Variants in RBFOX2 observed in about 807,000 individuals in gnomAD.
The protein encoded by RBFOX2 is RNA binding protein fox-1 homolog 2.
In RBFOX2, 10 loss-of-function variants were observed where a neutral mutation model predicts 49.1. The observed-to-expected ratio is 0.20, with a 90% confidence interval of 0.13 to 0.35. The LOEUF is 0.35. Ranked by LOEUF, RBFOX2 falls within the 10% of genes least tolerant of loss-of-function variation. The pLI is 1.00. For synonymous variants in RBFOX2, 183 were observed against 187.4 expected, an observed-to-expected ratio of 0.98 and a Z score of 0.19; for missense variants, 323 against 486.9, an observed-to-expected ratio of 0.66 and a Z score of 3.17.
intron 4 of RBFOX2, among the ~76,000 whole-genome samples, chr22:35,769,744 C>A (rs949542034): frequency 1.3e-5 from 2 of 152,092 alleles, no homozygotes; most frequent in Admixed American, 1.3e-4. Context: ...CTATATAAAA[C>A]ATGTTCTTAA....
intron 1 of RBFOX2, among the ~76,000 whole-genome samples, chr22:35,971,934 A>C (rs1257584927): frequency 6.6e-6 from 1 of 150,980 alleles, no homozygotes; most frequent in Non-Finnish European, 1.5e-5. Context: ...AAAAAAAAAA[A>C]AAAACACTCT....
chr22:35,772,931 C>G (rs1427659401), intron 4 of RBFOX2, among the ~76,000 whole-genome samples: 1 of 150,288 alleles, frequency 6.7e-6, no homozygotes, highest in Non-Finnish European at 1.5e-5. Context: ...GAAAATTTAC[C>G]ATGTAACTTT....
intron 1 of RBFOX2, among the ~76,000 whole-genome samples, chr22:35,910,690 T>C (rs191443399): frequency 1.4e-3 from 213 of 152,340 alleles, no homozygotes; most frequent in Non-Finnish European, 2.1e-3. Context: ...TCATTTGTAA[T>C]GCCAACTTAT....
chr22:35,794,549 T>C (rs892913799), intron 2 of RBFOX2, among the ~76,000 whole-genome samples: 3 of 151,600 alleles, frequency 2.0e-5, no homozygotes, highest in Non-Finnish European at 4.4e-5. Flanking sequence ...TCCCAGCTAC[T>C]CAGGAGGCTG....
intron 1 of RBFOX2, chr22:35,897,968 C>A (rs947706004): frequency 2.6e-6 from 2 of 773,016 alleles, no homozygotes; most frequent in East Asian, 5.0e-5. Flanking sequence ...GGAATCTTCA[C>A]AAAAACATCC....
chr22:35,762,503 CTTT>C lies in RBFOX2; in HGVS notation c.608-1038_608-1036del, dbSNP rs769912529. Among the ~76,000 whole-genome samples, 7 of 126,864 alleles carry C rather than the reference CTTT, an allele frequency of 5.5e-5. No homozygotes were observed. In the East Asian group the frequency reaches 8.6e-4, roughly 16 times the overall value. The allele number at this position is 126,864 out of a possible 152,430, so 83.2% of individuals were successfully genotyped here. ...AGAAAAAGGCCAGAATTGGCCTCCTCTTTTTTTTTTTTTTTTTTTTTGAGACAG... is the reference window on the plus strand; with the variant it reads ...AGAAAAAGGCCAGAATTGGCCTCCTCTTTTTTTTTTTTTTTTTTGAGACAG... On this transcript the variant is annotated intron_variant, in intron 6 of 11. Transcript: ENST00000405409.
At chr22:35,774,495 AT>A (rs1420196761) in intron 4 of RBFOX2, among the ~76,000 whole-genome samples, 5 of 152,178 alleles carry the variant, frequency 3.3e-5, no homozygotes, top group Admixed American at 6.5e-5. Context: ...GATACAGGTG[AT>A]TCTATGTTTT....
At chr22:35,814,710 C>CAAAAAAAAAAAAAAAAA (rs55971445) in intron 1 of RBFOX2, among the ~76,000 whole-genome samples, 7 of 31,012 alleles carry the variant, frequency 2.3e-4, no homozygotes, top group Non-Finnish European at 2.5e-4. Context: ...AACCCTGTCT[C>CAAAAAAAAAAAAAAAAA]AAAAAAAAAA....
In RBFOX2 at chr22:35,914,779, G is replaced by A. The variant is rs548624241; in HGVS notation, c.-34+24068C>T. ...GAAGAATGTCACCCGATCCCCGGGGGTAAACAACAGCAAAAGCATCTGCTC... is the reference window on the plus strand; with the variant it reads ...GAAGAATGTCACCCGATCCCCGGGGATAAACAACAGCAAAAGCATCTGCTC... On this transcript the variant is annotated intron_variant, in intron 1 of 13. Transcript: ENST00000359369. Among the ~76,000 whole-genome samples the A allele has an allele frequency of 3.3e-5, 5 of 152,276 alleles. No individual in the cohort carries two copies. The East Asian group carries it at 9.6e-4, about 29-fold the overall frequency.
chr22:35,907,673 A>C (rs2049277895), intron 1 of RBFOX2, among the ~76,000 whole-genome samples: 1 of 151,968 alleles, frequency 6.6e-6, no homozygotes, highest in Non-Finnish European at 1.5e-5. Context: ...TTTGAAACAG[A>C]GTGTCGCTCC....
intron 1 of RBFOX2, among the ~76,000 whole-genome samples, chr22:35,914,213 C>G (rs1369679572): frequency 6.6e-6 from 1 of 152,174 alleles, no homozygotes; most frequent in Non-Finnish European, 1.5e-5. Context: ...CTACACTTTT[C>G]TCATCTGTAA....
At chr22:35,786,486 C>T (rs1946417307) in intron 2 of RBFOX2, among the ~76,000 whole-genome samples, 1 of 151,988 alleles carries the variant, frequency 6.6e-6, no homozygotes, top group Admixed American at 6.6e-5. Context: ...AAACGTACAC[C>T]CATGTAACCA....
At chr22:35,799,271 TA>T (rs1949336718) in intron 2 of RBFOX2, among the ~76,000 whole-genome samples, 1 of 152,220 alleles carries the variant, frequency 6.6e-6, no homozygotes, top group African/African-American at 2.4e-5. Flanking sequence ...TATCTAAAGA[TA>T]CAGGAACTGA....
intron 1 of RBFOX2, among the ~76,000 whole-genome samples, chr22:35,895,541 C>T (rs1452522493): frequency 2.0e-5 from 3 of 152,160 alleles, no homozygotes; most frequent in Non-Finnish European, 4.4e-5. Context: ...TTTCAAAACA[C>T]AGGAAAACTT....
At chr22:35,928,457 G>A (rs760325900) in intron 1 of RBFOX2, among the ~76,000 whole-genome samples, 2 of 152,114 alleles carry the variant, frequency 1.3e-5, no homozygotes, top group African/African-American at 4.8e-5. Context: ...ACCAAGCATC[G>A]GGAGAAGGCT....
At chr22:35,900,609 A>AG (rs2048448861) in intron 1 of RBFOX2, among the ~76,000 whole-genome samples, 1 of 151,464 alleles carries the variant, frequency 6.6e-6, no homozygotes, top group Non-Finnish European at 1.5e-5. Context: ...AAAAAAAAAA[A>AG]GTCGAAAGAA....
At chr22:35,884,483 A>T (rs2046322856) in intron 1 of RBFOX2, among the ~76,000 whole-genome samples, 1 of 152,172 alleles carries the variant, frequency 6.6e-6, no homozygotes, top group African/African-American at 2.4e-5. Flanking sequence ...ACTATCAAGG[A>T]TCCACCACCA....
chr22:35,841,859 T>C (rs574309910), upstream of RBFOX2, among the ~76,000 whole-genome samples: 18 of 152,270 alleles, frequency 1.2e-4, 1 homozygote, highest in South Asian at 3.5e-3. Context: ...GCTGTCTCCA[T>C]AAGGACTGTT....
At chr22:35,835,074 T>C (rs1448153290) in intron 1 of RBFOX2, among the ~76,000 whole-genome samples, 2 of 152,060 alleles carry the variant, frequency 1.3e-5, no homozygotes, top group Admixed American at 1.3e-4. Flanking sequence ...CTAAGAAAGG[T>C]GCTACAATCA....
Sources: allele counts gnomAD v4.1 joint callset (sites outside exome capture counted in the v4.1 genomes callset), GRCh38; gene constraint gnomAD v4.1.1; transcripts MANE v1.5; gene names NCBI Gene and HGNC (gene_info 2026-07-23, HGNC 2026-07-21).